Variants in PIP4K2A observed in about 807,000 individuals in gnomAD.
PIP4K2A encodes phosphatidylinositol-5-phosphate 4-kinase type 2 alpha.
In PIP4K2A, 14 loss-of-function variants were observed where a neutral mutation model predicts 42.9. The observed-to-expected ratio is 0.33, with a 90% confidence interval of 0.22 to 0.51. The LOEUF is 0.51. Among genes scored for constraint, PIP4K2A ranks in the 20% least tolerant of loss-of-function variants. The probability of loss-of-function intolerance (pLI) is 0.97; values close to 1 mark genes in which losing one functional copy is unlikely to be tolerated. For synonymous variants in PIP4K2A, 192 were observed against 192.2 expected (o/e 1.00, Z 0.01); for missense variants, 434 against 519.8 (o/e 0.83, Z 1.61).
chr10:22,579,093 G>A (rs1178741344), intron 4 of PIP4K2A, among the ~76,000 whole-genome samples: 2 of 152,096 alleles, frequency 1.3e-5, no homozygotes, highest in Non-Finnish European at 2.9e-5. Flanking sequence ...CATATGTCGG[G>A]CATGAAAGGA....
intron 4 of PIP4K2A, among the ~76,000 whole-genome samples, chr10:22,581,209 T>C (rs1225457523): frequency 6.6e-6 from 1 of 152,212 alleles, no homozygotes; most frequent in Non-Finnish European, 1.5e-5. Flanking sequence ...TTTCCACCTG[T>C]CTGACTCTGC....
chr10:22,579,463 G>A (rs10828320), intron 4 of PIP4K2A, among the ~76,000 whole-genome samples: 137,983 of 152,284 alleles, frequency 0.91, 62,694 homozygotes, highest in African/African-American at 0.97. Context: ...TCTCCACAGA[G>A]TCACGTGCAC....
chr10:22,666,904 G>C (rs1839363623), intron 1 of PIP4K2A, among the ~76,000 whole-genome samples: 1 of 152,288 alleles, frequency 6.6e-6, no homozygotes, highest in Non-Finnish European at 1.5e-5. Flanking sequence ...CTGCAAGAAA[G>C]TTAATCATTG....
intron 3 of PIP4K2A, among the ~76,000 whole-genome samples, chr10:22,594,209 G>T (rs1384464860): frequency 6.6e-6 from 1 of 152,160 alleles, no homozygotes. Context: ...GTAAAGTCTA[G>T]CGTATTAAGT....
intron 1 of PIP4K2A, among the ~76,000 whole-genome samples, chr10:22,625,992 A>G (rs903584384): frequency 6.6e-6 from 1 of 152,116 alleles, no homozygotes; most frequent in African/African-American, 2.4e-5. Context: ...TCACCTACAC[A>G]ATGGACTCCA....
chr10:22,563,520 A>AT (rs1031264250), intron 6 of PIP4K2A, among the ~76,000 whole-genome samples: 1 of 152,226 alleles, frequency 6.6e-6, no homozygotes, highest in Non-Finnish European at 1.5e-5. Context: ...TCAGCACCAT[A>AT]TTTAACTCTG....
At chr10:22,701,297 C>T (rs1264996212) in intron 1 of PIP4K2A, among the ~76,000 whole-genome samples, 2 of 152,188 alleles carry the variant, frequency 1.3e-5, no homozygotes, top group Non-Finnish European at 2.9e-5. Flanking sequence ...CTTCCTGTTA[C>T]CTAACAGTCA....
At chr10:22,663,350 A>ATATGGGGTGATGTGAG (rs1839244709) in intron 1 of PIP4K2A, among the ~76,000 whole-genome samples, 1 of 152,184 alleles carries the variant, frequency 6.6e-6, no homozygotes, top group Admixed American at 6.5e-5. Flanking sequence ...AATGTTCACT[A>ATATGGGGTGATGTGAG]CCTTGATTCT....
At chr10:22,697,204 G>A (rs72816867) in intron 1 of PIP4K2A, among the ~76,000 whole-genome samples, 1,656 of 151,768 alleles carry the variant, frequency 0.011, 20 homozygotes, top group Middle Eastern at 0.082. Flanking sequence ...TTTCCTTTCT[G>A]AGTGTCTTAT....
Position 22,664,116 on chromosome 10 carries a change from CATATATATATAT to C in PIP4K2A, c.144+50055_144+50066del, listed in dbSNP as rs751644558. 1.6e-4 allele frequency among the ~76,000 whole-genome samples: 8 copies of C among 50,506 alleles called. 1 individual carries two copies. The highest frequency in any genetic ancestry group is 9.0e-4 in the African/African-American group (5 of 5,558). The allele number at this position is 50,506 out of a possible 152,430, so 33.1% of individuals were successfully genotyped here. On this transcript the variant is annotated intron_variant, in intron 1 of 9. Coordinates refer to ENST00000376573, the MANE Select transcript of PIP4K2A (RefSeq NM_005028.5). ...ATATATATATATACATATATATATA[CATATATATATAT>C]ACATATATATATACATATATATACA...
At chr10:22,662,002 T>C (rs1839213645) in intron 1 of PIP4K2A, 1 of 152,108 alleles carries the variant, frequency 6.6e-6, no homozygotes, top group Admixed American at 6.5e-5. Flanking sequence ...ATCTTAACAG[T>C]CAAAACAACA....
At chr10:22,688,662 AGGC>A (rs1839805405) in intron 1 of PIP4K2A, among the ~76,000 whole-genome samples, 1 of 152,120 alleles carries the variant, frequency 6.6e-6, no homozygotes, top group Non-Finnish European at 1.5e-5. Flanking sequence ...TACGTTGCCT[AGGC>A]TGGTCTTGAA....
At chr10:22,537,841 T>C (rs1192849038) in intron 9 of PIP4K2A, among the ~76,000 whole-genome samples, 1 of 152,172 alleles carries the variant, frequency 6.6e-6, no homozygotes, top group Non-Finnish European at 1.5e-5. Flanking sequence ...GCCCATTCCC[T>C]GCACCGTAAC....
At chr10:22,620,134 C>T (rs1838288507) in intron 1 of PIP4K2A, among the ~76,000 whole-genome samples, 1 of 152,186 alleles carries the variant, frequency 6.6e-6, no homozygotes, top group South Asian at 2.1e-4. Context: ...CACAAACTCT[C>T]CCATCTGTCA....
At chr10:22,647,899 A>C (rs1838915524) in intron 1 of PIP4K2A, among the ~76,000 whole-genome samples, 1 of 152,264 alleles carries the variant, frequency 6.6e-6, no homozygotes, top group Admixed American at 6.5e-5. Context: ...AAAGAAAAAC[A>C]ATGTGTGAAA....
chr10:22,594,847 A>G (rs1225170277), intron 3 of PIP4K2A, among the ~76,000 whole-genome samples: 1 of 152,218 alleles, frequency 6.6e-6, no homozygotes, highest in African/African-American at 2.4e-5. Flanking sequence ...CTGGATTAGG[A>G]TATCAGCCAT....
At position 22,560,526 on chromosome 10, in the gene PIP4K2A, G is replaced by A. The variant is rs896795684; in HGVS notation, c.678+7325C>T. On this transcript the variant is annotated intron_variant, in intron 6 of 9. Transcript: ENST00000376573. ...CTCAGTTGGTAATAGGTAAAACGTC[G>A]GAGACGGTGACAGTCACTTAATTGC... 3.3e-5 allele frequency among the ~76,000 whole-genome samples: 5 copies of A among 152,204 alleles called. No individual in the cohort carries two copies. The East Asian group carries it at 5.8e-4, about 18-fold the overall frequency.
chr10:22,608,150 C>T lies in PIP4K2A; in HGVS notation c.243-127G>A, dbSNP rs971305632. The T allele has an allele frequency of 4.8e-5, 28 of 582,154 alleles. No individual in the cohort carries two copies. In the African/African-American group the frequency reaches 5.1e-4, roughly 11 times the overall value. The allele number at this position is 582,154 out of a possible 1,614,324, so 36.1% of individuals were successfully genotyped here. A position where few individuals can be genotyped will look rare whatever the true frequency, so the allele number is the denominator to read the frequency against. On this transcript the variant is annotated intron_variant, in intron 2 of 9. Transcript: ENST00000376573. The stretch of plus-strand genomic sequence containing the variant: ...ACTGCCTACCAAAAGCACAGGTGTG[C>T]TTCCTAGAACCAGGTACAACCCGCA...
chr10:22,598,504 C>G (rs1391448650), intron 3 of PIP4K2A, among the ~76,000 whole-genome samples: 1 of 152,114 alleles, frequency 6.6e-6, no homozygotes, highest in Non-Finnish European at 1.5e-5. Flanking sequence ...TTGAAAATTC[C>G]CAGCCCACAA....
Sources: gnomAD v4.1 joint callset for allele counts (sites outside exome capture counted in the v4.1 genomes callset) on GRCh38, gnomAD v4.1.1 for gene constraint, MANE v1.5 for transcripts, NCBI Gene and HGNC (gene_info 2026-07-23, HGNC 2026-07-21) for gene names.